The following SYT9 variants were observed in gnomAD, a reference collection of about 807,000 sequenced individuals.
SYT9 encodes synaptotagmin-9.
A neutral mutation model predicts 48.4 loss-of-function variants in SYT9; 22 were observed. The ratio of observed to expected loss-of-function variants is 0.45; its 90% CI spans 0.32 to 0.65. The LOEUF is 0.65. SYT9 is among the 30% of genes least tolerant of loss of function. The probability of loss-of-function intolerance (pLI) is 0.03; values close to 1 mark genes in which losing one functional copy is unlikely to be tolerated. For synonymous variants in SYT9, 265 were observed against 245.0 expected, an observed-to-expected ratio of 1.08 and a Z score of -0.76; for missense variants, 577 against 622.0, an observed-to-expected ratio of 0.93 and a Z score of 0.77.
chr11:7,340,404 A>G (rs1849692955), intron 3 of SYT9, among the ~76,000 whole-genome samples: 2 of 152,250 alleles, frequency 1.3e-5, no homozygotes, highest in South Asian at 4.1e-4. Flanking sequence ...TTAAAGAACT[A>G]GTGCAGACAT....
intron 1 of SYT9, among the ~76,000 whole-genome samples, chr11:7,257,076 G>T (rs563278235): frequency 6.6e-6 from 1 of 152,236 alleles, no homozygotes; most frequent in African/African-American, 2.4e-5. Context: ...TGGGAAATGG[G>T]CCTGGTATCA....
rs1850619610 is a variant in SYT9 at position 7,384,411 on chromosome 11, C to T, written c.1045-31631C>T. On this transcript the variant is annotated intron_variant, in intron 3 of 6. Coordinates refer to ENST00000318881, the MANE Select transcript of SYT9 (RefSeq NM_175733.4). ...ATAGTCCAGTACTTCTCCCCCTCCA[C>T]TTGGAAATGGGTGTTAATGGCAATT... 2.0e-5 allele frequency among the ~76,000 whole-genome samples: 3 copies of T among 152,334 alleles called. No individual in the cohort carries two copies. The South Asian group carries it at 6.2e-4, about 32-fold the overall frequency.
intron 6 of SYT9, among the ~76,000 whole-genome samples, chr11:7,449,870 G>C (rs1848013119): frequency 6.6e-6 from 1 of 151,894 alleles, no homozygotes; most frequent in African/African-American, 2.4e-5. Context: ...GGGTCTGGTG[G>C]GCCCCTGCTC....
chr11:7,333,522 T>G (rs75676373), intron 3 of SYT9, among the ~76,000 whole-genome samples: 1,866 of 152,332 alleles, frequency 0.012, 19 homozygotes, highest in Non-Finnish European at 0.016. Flanking sequence ...ATCTATGAAT[T>G]TGGCTCTGGT....
chr11:7,441,993 A>G (rs1167359542), intron 6 of SYT9, among the ~76,000 whole-genome samples: 1 of 151,940 alleles, frequency 6.6e-6, no homozygotes, highest in African/African-American at 2.4e-5. Flanking sequence ...GCACTCCATT[A>G]TCCACCTCCT....
chr11:7,355,102 T>C (rs1849992652), intron 3 of SYT9, among the ~76,000 whole-genome samples: 1 of 152,156 alleles, frequency 6.6e-6, no homozygotes, highest in Non-Finnish European at 1.5e-5. Flanking sequence ...TTCCATAGGT[T>C]TTCTCCCTGC....
chr11:7,269,730 T>C (rs1418677651), intron 1 of SYT9, among the ~76,000 whole-genome samples: 1 of 152,218 alleles, frequency 6.6e-6, no homozygotes, highest in Non-Finnish European at 1.5e-5. Flanking sequence ...GATCAGAATT[T>C]AGTCATATTG....
chr11:7,239,465 C>A (rs1403690685), intron 1 of SYT9, among the ~76,000 whole-genome samples: 1 of 152,126 alleles, frequency 6.6e-6, no homozygotes, highest in Non-Finnish European at 1.5e-5. Flanking sequence ...CATCCCAAAC[C>A]TAACACTGGA....
rs1182828585 is a variant in SYT9, at chr11:7,468,854, G to A, written c.*2054G>A. The A allele has an allele frequency of 1.3e-5, 2 of 152,294 alleles. No homozygotes were observed. The highest frequency in any genetic ancestry group is 2.4e-5 in the African/African-American group (1 of 41,452). 9.4% of individuals were successfully genotyped at this position (152,294 alleles called of 1,614,324 possible). ...GAAGGTGGCTTTGTAGGGGCAAGCA[G>A]GCAAAGAGTACTATCCACATGGCAG... is the stretch of plus-strand genomic sequence containing the variant. On this transcript the variant is annotated 3_prime_UTR_variant, in exon 7 of 7. Coordinates refer to ENST00000318881, the MANE Select transcript of SYT9 (RefSeq NM_175733.4).
chr11:7,396,422 T>C (rs1304692018), intron 3 of SYT9, among the ~76,000 whole-genome samples: 1 of 152,130 alleles, frequency 6.6e-6, no homozygotes, highest in East Asian at 1.9e-4. Flanking sequence ...TTTATACATG[T>C]TGTTTCTTGT....
intron 3 of SYT9, among the ~76,000 whole-genome samples, chr11:7,398,722 A>G (rs1326762281): frequency 1.3e-5 from 2 of 152,208 alleles, no homozygotes; most frequent in East Asian, 3.8e-4. Flanking sequence ...TTCCAAAACT[A>G]TGAAATCTGC....
chr11:7,263,676 CT>C (rs1457017809), intron 1 of SYT9, among the ~76,000 whole-genome samples: 4 of 152,112 alleles, frequency 2.6e-5, no homozygotes, highest in African/African-American at 7.2e-5. Context: ...TTAAATGCCC[CT>C]GATAGGTCAA....
At chr11:7,373,254 A>T (rs900753510) in intron 3 of SYT9, among the ~76,000 whole-genome samples, 3 of 152,034 alleles carry the variant, frequency 2.0e-5, no homozygotes, top group Non-Finnish European at 2.9e-5. Context: ...TTTGTCTGAT[A>T]CTGGTTTCAG....
intron 3 of SYT9, among the ~76,000 whole-genome samples, chr11:7,349,109 G>C (rs1390131685): frequency 6.6e-6 from 1 of 151,988 alleles, no homozygotes. Flanking sequence ...TGGAATAGGA[G>C]ATTTCAAGTG....
chr11:7,331,304 T>G (rs987197257), intron 3 of SYT9, among the ~76,000 whole-genome samples: 4 of 142,372 alleles, frequency 2.8e-5, no homozygotes, highest in Admixed American at 7.1e-5. Flanking sequence ...ACAAGCAATA[T>G]CAAGGATCAG....
At chr11:7,307,659 T>A (rs1849057117) in intron 2 of SYT9, among the ~76,000 whole-genome samples, 1 of 152,198 alleles carries the variant, frequency 6.6e-6, no homozygotes, top group African/African-American at 2.4e-5. Flanking sequence ...CAATTTGTTC[T>A]TTAGAAGATT....
chr11:7,240,627 T>TCA (rs1424393170), intron 1 of SYT9, among the ~76,000 whole-genome samples: 1 of 152,134 alleles, frequency 6.6e-6, no homozygotes, highest in Non-Finnish European at 1.5e-5. Context: ...TTAAAGAAAT[T>TCA]CACAAATAAC....
rs1332200665 is a variant in SYT9 at position 7,428,885 on chromosome 11, G to T, written c.1467+8250G>T. 3.3e-5 allele frequency among the ~76,000 whole-genome samples: 5 copies of T among 152,096 alleles called. No homozygotes were observed. The East Asian group carries it at 7.7e-4, about 23-fold the overall frequency. ...TGAGCCTGGGATTCAAAGAGTCTTG[G>T]GGTGTAAACTGTTGATGCTTTCTAA... On this transcript the variant is annotated intron_variant, in intron 6 of 6. Coordinates refer to ENST00000318881, the MANE Select transcript of SYT9 (RefSeq NM_175733.4).
At chr11:7,346,411 G>T (rs1849802483) in intron 3 of SYT9, among the ~76,000 whole-genome samples, 1 of 152,244 alleles carries the variant, frequency 6.6e-6, no homozygotes, top group South Asian at 2.1e-4. Flanking sequence ...AGAGTTGGCG[G>T]ATTTGCTTTT....
Sources: gnomAD v4.1 joint callset for allele counts (sites outside exome capture counted in the v4.1 genomes callset) on GRCh38, gnomAD v4.1.1 for gene constraint, MANE v1.5 for transcripts, NCBI Gene and HGNC (gene_info 2026-07-23, HGNC 2026-07-21) for gene names.